Variants in DPP10 observed in about 807,000 individuals in gnomAD.
The protein encoded by DPP10 is inactive dipeptidyl peptidase 10.
DPP10 carries 33 observed loss-of-function variants against 120.9 expected under a neutral mutation model. The observed-to-expected ratio is 0.27, with a 90% CI of 0.21 to 0.37. The LOEUF (loss-of-function observed/expected upper bound fraction) is 0.37. DPP10 is among the 10% of genes least tolerant of loss of function. The pLI, the probability that DPP10 is intolerant of heterozygous loss-of-function variation, is 1.00. For synonymous variants in DPP10, 337 were observed against 326.1 expected (o/e 1.03, Z -0.36); for missense variants, 816 against 942.8 (o/e 0.87, Z 1.76).
chr2:115,054,455 C>T (rs565834810), intron 1 of DPP10, among the ~76,000 whole-genome samples: 2 of 152,158 alleles, frequency 1.3e-5, no homozygotes, highest in South Asian at 4.2e-4. Context: ...GTAGACTGTC[C>T]CTTCAATAAT....
chr2:115,381,434 T>A (rs926506912), intron 3 of DPP10, among the ~76,000 whole-genome samples: 13 of 152,194 alleles, frequency 8.5e-5, no homozygotes, highest in Non-Finnish European at 4.4e-5. Flanking sequence ...CTGTATTGGT[T>A]ATTCTAGTTA....
At chr2:114,514,205 A>G (rs1684404615) in intron 1 of DPP10, among the ~76,000 whole-genome samples, 1 of 152,216 alleles carries the variant, frequency 6.6e-6, no homozygotes, top group Non-Finnish European at 1.5e-5. Context: ...CTTGTAGCTA[A>G]CACATATTGA....
chr2:114,808,172 C>T (rs1027473239), intron 1 of DPP10, among the ~76,000 whole-genome samples: 1 of 152,112 alleles, frequency 6.6e-6, no homozygotes, highest in African/African-American at 2.4e-5. Flanking sequence ...GCCACAATCC[C>T]AAATGTATTC....
intron 5 of DPP10, among the ~76,000 whole-genome samples, chr2:115,635,162 G>C (rs547430146): frequency 3.3e-5 from 5 of 150,288 alleles, no homozygotes; most frequent in African/African-American, 1.2e-4. Flanking sequence ...CACAGTGATG[G>C]CTGCCGCCCT....
In DPP10 at chr2:114,587,117, G is replaced by T. The variant is rs533003781; in HGVS notation, c.60+144279G>T. Among the ~76,000 whole-genome samples the T allele has an allele frequency of 1.7e-4, 26 of 152,018 alleles. 1 individual carries two copies. Among genetic ancestry groups the T allele is most frequent in the African/African-American group, 4.8e-4 (20 of 41,474 alleles). On this transcript the variant is annotated intron_variant, in intron 1 of 25. Transcript: ENST00000410059. ...TCGAGCCCAGCCTAGCCAACATGGA[G>T]AAACCCCATCTCTACTAAAAATACA...
intron 3 of DPP10, among the ~76,000 whole-genome samples, chr2:115,483,808 G>T (rs2075597260): frequency 6.6e-6 from 1 of 152,048 alleles, no homozygotes. Context: ...CAGGAGACTT[G>T]AAACTTTAAT....
At chr2:114,645,779 C>A (rs1007570647) in intron 1 of DPP10, among the ~76,000 whole-genome samples, 1 of 152,056 alleles carries the variant, frequency 6.6e-6, no homozygotes, top group African/African-American at 2.4e-5. Context: ...TTTCCAGGGC[C>A]CTAAATATTT....
chr2:114,994,047 T>C (rs1194576983), intron 1 of DPP10, among the ~76,000 whole-genome samples: 1 of 152,192 alleles, frequency 6.6e-6, no homozygotes, highest in African/African-American at 2.4e-5. Context: ...ATCAACTTTA[T>C]TTTCAAACAG....
intron 5 of DPP10, among the ~76,000 whole-genome samples, chr2:115,538,981 A>C (rs1311205457): frequency 1.3e-5 from 2 of 152,038 alleles, no homozygotes; most frequent in African/African-American, 2.4e-5. Context: ...TAATTGATTT[A>C]ACCAGTTACT....
At chr2:115,131,724 A>G (rs1287292179) in intron 1 of DPP10, 1 of 152,206 alleles carries the variant, frequency 6.6e-6, no homozygotes, top group Admixed American at 6.5e-5. Context: ...TTCCAAGCTA[A>G]TATGAGTGAC....
chr2:114,656,773 T>C (rs1696998159), intron 1 of DPP10, among the ~76,000 whole-genome samples: 1 of 152,084 alleles, frequency 6.6e-6, no homozygotes, highest in African/African-American at 2.4e-5. Flanking sequence ...AGAATTACAA[T>C]AGAGAAGGAA....
chr2:114,713,139 A>G (rs1468567761), intron 1 of DPP10, among the ~76,000 whole-genome samples: 1 of 151,984 alleles, frequency 6.6e-6, no homozygotes, highest in Non-Finnish European at 1.5e-5. Flanking sequence ...GGTGTCCACC[A>G]CCACGCCTGG....
intron 3 of DPP10, among the ~76,000 whole-genome samples, chr2:115,404,936 G>A (rs193050148): frequency 6.6e-6 from 1 of 152,144 alleles, no homozygotes; most frequent in East Asian, 1.9e-4. Context: ...CCACATTGGG[G>A]AACATGGTTC....
chr2:114,798,759 C>T, intron 1 of DPP10, among the ~76,000 whole-genome samples: 1 of 152,178 alleles, frequency 6.6e-6, no homozygotes, highest in East Asian at 1.9e-4. Flanking sequence ...CGTCGAAATT[C>T]ATCTTACTGG....
At chr2:115,450,250 A>G (rs535754301) in intron 3 of DPP10, among the ~76,000 whole-genome samples, 7 of 152,156 alleles carry the variant, frequency 4.6e-5, no homozygotes, top group Admixed American at 3.9e-4. Flanking sequence ...CCTATTTTAT[A>G]ATAAGGTGTT....
chr2:115,267,205 TGTGAGATGTCCATAAGTGCCTCTATCA>T (rs896823282), intron 1 of DPP10, among the ~76,000 whole-genome samples: 1 of 152,222 alleles, frequency 6.6e-6, no homozygotes, highest in African/African-American at 2.4e-5. Flanking sequence ...TCATGCTTTC[TGTGAGATGTCCATAAGTGCCTCTATCA>T]GAGACGGATT....
chr2:114,733,010 A>G (rs575645398), intron 1 of DPP10, among the ~76,000 whole-genome samples: 1 of 152,262 alleles, frequency 6.6e-6, no homozygotes, highest in African/African-American at 2.4e-5. Context: ...AGCTAGAGAG[A>G]AGATAAGCTG....
intron 5 of DPP10, among the ~76,000 whole-genome samples, chr2:115,616,713 G>A (rs1228038406): frequency 2.0e-5 from 3 of 152,028 alleles, no homozygotes; most frequent in African/African-American, 7.2e-5. Context: ...ATACTCTTCT[G>A]GTTGACCTCT....
intron 5 of DPP10, among the ~76,000 whole-genome samples, chr2:115,546,677 T>A (rs141893705): frequency 6.6e-6 from 1 of 152,216 alleles, no homozygotes; most frequent in Non-Finnish European, 1.5e-5. Context: ...AGACCAGCAA[T>A]ATCACATGCA....
Sources: allele counts gnomAD v4.1 joint callset (sites outside exome capture counted in the v4.1 genomes callset), GRCh38; gene constraint gnomAD v4.1.1; transcripts MANE v1.5; gene names NCBI Gene and HGNC (gene_info 2026-07-23, HGNC 2026-07-21).